ARHGAP31: variants seen among roughly 807,000 people sequenced by gnomAD.
ARHGAP31 encodes rho GTPase-activating protein 31.
ARHGAP31 carries 34 observed loss-of-function variants against 113.9 expected under a neutral mutation model. The observed-to-expected ratio is 0.30, with a 90% CI of 0.23 to 0.40. The LOEUF (loss-of-function observed/expected upper bound fraction) is 0.40. ARHGAP31 is among the 10% of genes least tolerant of loss of function. The probability of loss-of-function intolerance (pLI) is 1.00; values close to 1 mark genes in which losing one functional copy is unlikely to be tolerated. For missense variants in ARHGAP31, 1,548 were observed against 1,767.1 expected, an observed-to-expected ratio of 0.88 and a Z score of 2.22; for synonymous variants, 650 against 684.8, an observed-to-expected ratio of 0.95 and a Z score of 0.79.
At chr3:119,381,711 T>A (rs6778239) in intron 4 of ARHGAP31, among the ~76,000 whole-genome samples, 12,881 of 152,120 alleles carry the variant, frequency 0.085, 939 homozygotes, top group African/African-American at 0.21. Context: ...CCAGGCGGCC[T>A]GTGTGGTGGC....
chr3:119,297,511 G>GAT (rs1305409657), intron 1 of ARHGAP31, among the ~76,000 whole-genome samples: 4 of 70,370 alleles, frequency 5.7e-5, no homozygotes, highest in Admixed American at 4.7e-4. Flanking sequence ...GACCTGCATT[G>GAT]AGAGGAAAGA....
At chr3:119,335,534 C>G (rs1218688927) in intron 1 of ARHGAP31, among the ~76,000 whole-genome samples, 1 of 152,092 alleles carries the variant, frequency 6.6e-6, no homozygotes, top group Non-Finnish European at 1.5e-5. Context: ...TTGGTGAAAC[C>G]AGTGGCGCTG....
intron 3 of ARHGAP31, among the ~76,000 whole-genome samples, chr3:119,373,819 G>C (rs946701079): frequency 3.4e-4 from 52 of 152,232 alleles, no homozygotes; most frequent in African/African-American, 1.2e-3. Flanking sequence ...GGACGTCCCC[G>C]AAAGTCATAT....
intron 1 of ARHGAP31, among the ~76,000 whole-genome samples, chr3:119,312,949 A>G (rs2079695704): frequency 1.3e-5 from 2 of 152,306 alleles, no homozygotes; most frequent in East Asian, 1.9e-4. Flanking sequence ...GGAGATTGAT[A>G]TTCTTTGTTC....
chr3:119,391,135 C>G (rs2080500518), intron 7 of ARHGAP31, 152 bp downstream of exon 7: 1 of 871,224 alleles, frequency 1.1e-6, no homozygotes. Flanking sequence ...GAGAAGGGAG[C>G]TGTCTCTACA....
chr3:119,310,101 G>C (rs767576074), intron 1 of ARHGAP31, among the ~76,000 whole-genome samples: 45 of 152,114 alleles, frequency 3.0e-4, no homozygotes, highest in African/African-American at 8.2e-4. Flanking sequence ...CACACTACAC[G>C]GTCCCTTTCT....
intron 1 of ARHGAP31, among the ~76,000 whole-genome samples, chr3:119,323,459 T>G (rs2278781): frequency 0.37 from 56,894 of 151,984 alleles, 10,864 homozygotes; most frequent in Non-Finnish European, 0.41. Flanking sequence ...GGCTTGGCTT[T>G]GCTTTGCGTT....
At chr3:119,361,164 T>C (rs1453328089) in intron 1 of ARHGAP31, among the ~76,000 whole-genome samples, 1 of 152,222 alleles carries the variant, frequency 6.6e-6, no homozygotes, top group Non-Finnish European at 1.5e-5. Context: ...CCTCCAGGGC[T>C]ATTTTCAGAC....
At chr3:119,318,892 A>G (rs2079758251) in intron 1 of ARHGAP31, among the ~76,000 whole-genome samples, 2 of 152,174 alleles carry the variant, frequency 1.3e-5, no homozygotes, top group South Asian at 4.1e-4. Flanking sequence ...CCAGTATTAG[A>G]TGGACCTCTA....
intron 10 of ARHGAP31, among the ~76,000 whole-genome samples, chr3:119,406,993 G>A (rs540826276): frequency 1.3e-5 from 2 of 152,184 alleles, no homozygotes; most frequent in African/African-American, 4.8e-5. Flanking sequence ...TAAGCCACCT[G>A]CTACTAGGAC....
chr3:119,312,215 T>C (rs12497738), intron 1 of ARHGAP31, among the ~76,000 whole-genome samples: 58,003 of 152,104 alleles, frequency 0.38, 11,279 homozygotes, highest in Non-Finnish European at 0.41. Context: ...TGAGAAAAAA[T>C]TGGACCCCCA....
chr3:119,349,588 G>A (rs901308210), intron 1 of ARHGAP31, among the ~76,000 whole-genome samples: 2 of 152,206 alleles, frequency 1.3e-5, no homozygotes, highest in African/African-American at 4.8e-5. Context: ...CCTTGCTATA[G>A]ACAAACAATT....
rs188413220 is a variant in ARHGAP31 at position 119,419,491 on chromosome 3, T to C, written c.*3227T>C. ...TGTAAATATCATCATCCTTAGCAAA[T>C]ATTTATTGGGAGCTTAGTAATAGTG... On this transcript the variant is annotated 3_prime_UTR_variant, in exon 12 of 12. Transcript: ENST00000264245. 6.6e-6 allele frequency: 1 copy of C among 152,160 alleles called. No homozygotes were observed. The highest frequency in any genetic ancestry group is 1.5e-5 in the Non-Finnish European group (1 of 67,992). The allele number at this position is 152,160 out of a possible 1,614,324, so 9.4% of individuals were successfully genotyped here.
In ARHGAP31 at chr3:119,415,627, A is replaced by T. The variant is rs779090775; in HGVS notation, c.3698A>T (p.Gln1233Leu). 1.4e-5 allele frequency: 23 copies of T among 1,614,052 alleles called. No individual in the cohort carries two copies. In the African/African-American group the frequency reaches 1.9e-4, roughly 13 times the overall value. Residue 1233 changes from glutamine to leucine, a missense_variant, in exon 12 of 12, where the codon CAG (glutamine) becomes CTG (leucine). Coordinates refer to ENST00000264245, the MANE Select transcript of ARHGAP31 (RefSeq NM_020754.4). ...ENGVQPLERS[Q>L]EGPSSTSGTT... ...GGGGTTCAGCCTCTGGAGAGGAGCC[A>T]GGAGGGACCCAGCTCAACCAGTGGG...
intron 1 of ARHGAP31, among the ~76,000 whole-genome samples, chr3:119,348,346 A>G (rs1425554112): frequency 6.6e-6 from 1 of 152,248 alleles, no homozygotes. Flanking sequence ...ACCCTGGTCC[A>G]TGGAAAAATT....
intron 11 of ARHGAP31, among the ~76,000 whole-genome samples, chr3:119,412,226 T>G (rs938945026): frequency 1.3e-5 from 2 of 151,922 alleles, no homozygotes; most frequent in African/African-American, 4.8e-5. Flanking sequence ...CCATCTCTAC[T>G]AAAAATACAA....
chr3:119,365,538 C>T (rs942853714), intron 2 of ARHGAP31, 120 bp downstream of exon 2: 28 of 866,418 alleles, frequency 3.2e-5, no homozygotes, highest in Middle Eastern at 2.1e-4. Context: ...GTGGCAGCAC[C>T]GAAGATCAGA....
chr3:119,376,317 C>T (rs1416136957), intron 3 of ARHGAP31, among the ~76,000 whole-genome samples: 1 of 151,988 alleles, frequency 6.6e-6, no homozygotes, highest in Non-Finnish European at 1.5e-5. Context: ...GGTGAAACCC[C>T]GTCTCTACTA....
chr3:119,362,715 C>T (rs982848364), intron 1 of ARHGAP31, among the ~76,000 whole-genome samples: 2 of 151,014 alleles, frequency 1.3e-5, no homozygotes, highest in African/African-American at 4.9e-5. Flanking sequence ...TTGCAGTGAG[C>T]CAAGATCACA....
Sources: allele counts gnomAD v4.1 joint callset (sites outside exome capture counted in the v4.1 genomes callset), GRCh38; gene constraint gnomAD v4.1.1; transcripts MANE v1.5; gene names NCBI Gene and HGNC (gene_info 2026-07-23, HGNC 2026-07-21).